NAALADL2: variants seen among roughly 807,000 people sequenced by gnomAD.
The protein encoded by NAALADL2 is N-acetylated alpha-linked acidic dipeptidase like 2.
In NAALADL2, 76 loss-of-function variants were observed where a neutral mutation model predicts 87.2. That is an observed-to-expected ratio of 0.87 (90% confidence interval 0.72 to 1.05). The LOEUF (loss-of-function observed/expected upper bound fraction) is 1.05, where lower values mean the gene tolerates loss of function less well. NAALADL2 is among the 50% of genes least tolerant of loss of function. The pLI is 0.00. For synonymous variants in NAALADL2, 354 were observed against 331.0 expected, an observed-to-expected ratio of 1.07 and a Z score of -0.75; for missense variants, 1,089 against 945.8, an observed-to-expected ratio of 1.15 and a Z score of -1.99.
chr3:174,768,979 CT>C (rs1714198199), intron 3 of NAALADL2, among the ~76,000 whole-genome samples: 1 of 151,218 alleles, frequency 6.6e-6, no homozygotes, highest in Admixed American at 6.6e-5. Context: ...GGTTGCTTTT[CT>C]TTTTTTCTTT....
At chr3:175,759,522 T>C (rs957022872) in intron 13 of NAALADL2, among the ~76,000 whole-genome samples, 7 of 151,684 alleles carry the variant, frequency 4.6e-5, no homozygotes, top group Non-Finnish European at 1.0e-4. Flanking sequence ...CATGCCTGGC[T>C]CATTTTTGTA....
intron 5 of NAALADL2, among the ~76,000 whole-genome samples, chr3:175,373,960 A>C (rs572286036): frequency 1.3e-5 from 2 of 152,254 alleles, no homozygotes; most frequent in African/African-American, 4.8e-5. Context: ...TTTTTATGGA[A>C]GAATCTGTCT....
Position 175,217,580 on chromosome 3 carries a change from T to C in NAALADL2, c.546-16351T>C, listed in dbSNP as rs1346517350. ...AAGGTGGCAATTACCAGAAGTTGCT[T>C]GGTTGGTACTTATTTCTCAAGTTAG... On this transcript the variant is annotated intron_variant, in intron 2 of 13. Coordinates refer to ENST00000454872, the MANE Select transcript of NAALADL2 (RefSeq NM_207015.3). Among the ~76,000 whole-genome samples, 27 of 152,180 alleles carry C rather than the reference T, an allele frequency of 1.8e-4. 1 individual carries two copies. The highest frequency in any genetic ancestry group is 1.8e-3 in the Admixed American group (27 of 15,274).
At chr3:175,726,098 A>G (rs1001561941) in intron 11 of NAALADL2, among the ~76,000 whole-genome samples, 1 of 152,136 alleles carries the variant, frequency 6.6e-6, no homozygotes. Context: ...CAAATATATT[A>G]CAAAGTCAAA....
intron 2 of NAALADL2, among the ~76,000 whole-genome samples, chr3:174,651,270 A>G (rs986125270): frequency 2.0e-5 from 3 of 152,186 alleles, no homozygotes; most frequent in South Asian, 2.1e-4. Flanking sequence ...CTTAATGCCT[A>G]TTTTAGCTTC....
At chr3:174,692,489 T>C (rs1057217058) in intron 2 of NAALADL2, among the ~76,000 whole-genome samples, 15 of 152,090 alleles carry the variant, frequency 9.9e-5, no homozygotes, top group Admixed American at 7.2e-4. Context: ...ACTTTGGCTA[T>C]TTTTTTGTAA....
chr3:174,457,289 G>A (rs1257038398), intron 1 of NAALADL2, among the ~76,000 whole-genome samples: 2 of 152,188 alleles, frequency 1.3e-5, no homozygotes, highest in Non-Finnish European at 2.9e-5. Context: ...GTAGAAAACA[G>A]TGTGGTGATT....
chr3:175,713,033 T>A (rs1283111369), intron 11 of NAALADL2, among the ~76,000 whole-genome samples: 1 of 152,118 alleles, frequency 6.6e-6, no homozygotes, highest in Non-Finnish European at 1.5e-5. Context: ...TAATAGTAGC[T>A]GTGATTTAAT....
intron 2 of NAALADL2, among the ~76,000 whole-genome samples, chr3:174,717,890 C>T (rs1731345129): frequency 1.3e-5 from 2 of 152,236 alleles, no homozygotes; most frequent in South Asian, 4.1e-4. Context: ...CTTTGGGAGG[C>T]TGAGGCGGGC....
At chr3:174,987,523 T>A (rs372051091) in intron 1 of NAALADL2, among the ~76,000 whole-genome samples, 2 of 109,428 alleles carry the variant, frequency 1.8e-5, no homozygotes, top group Non-Finnish European at 3.2e-5. Context: ...GAGCCGAGAT[T>A]GCGCCACTGC....
intron 1 of NAALADL2, among the ~76,000 whole-genome samples, chr3:175,000,053 C>T (rs917058991): frequency 5.3e-5 from 8 of 152,110 alleles, no homozygotes; most frequent in African/African-American, 1.9e-4. Flanking sequence ...ATTAATTCTC[C>T]AGTTCACTGA....
Position 175,806,047 on chromosome 3 carries a change from C to T in NAALADL2, c.*2844C>T, listed in dbSNP as rs889711493. On this transcript the variant is annotated 3_prime_UTR_variant, in exon 14 of 14. Coordinates refer to ENST00000454872, the MANE Select transcript of NAALADL2 (RefSeq NM_207015.3). Reference sequence around the variant, plus strand: ...TGGAATTTAAGCTTCTCTGCTTTCTCATGCAGTATATCTTGCTTCTCCCTG... The same window carrying T: ...TGGAATTTAAGCTTCTCTGCTTTCTTATGCAGTATATCTTGCTTCTCCCTG... 6.6e-6 allele frequency: 1 copy of T among 151,918 alleles called. No individual in the cohort carries two copies. The highest frequency in any genetic ancestry group is 1.5e-5 in the Non-Finnish European group (1 of 67,886). 9.4% of individuals were successfully genotyped at this position (151,918 alleles called of 1,614,324 possible). A position where few individuals can be genotyped will look rare whatever the true frequency, so the allele number is the denominator to read the frequency against.
At chr3:175,456,301 C>T (rs1722307850) in intron 6 of NAALADL2, among the ~76,000 whole-genome samples, 1 of 152,026 alleles carries the variant, frequency 6.6e-6, no homozygotes, top group African/African-American at 2.4e-5. Context: ...TTAGCTCTGA[C>T]ACCCCTCACC....
At chr3:175,157,317 G>A (rs1368291668) in intron 2 of NAALADL2, among the ~76,000 whole-genome samples, 1 of 151,986 alleles carries the variant, frequency 6.6e-6, no homozygotes, top group African/African-American at 2.4e-5. Context: ...AATTAAATAT[G>A]AGTTCAAATC....
intron 3 of NAALADL2, among the ~76,000 whole-genome samples, chr3:174,807,545 T>C (rs1191432652): frequency 6.6e-6 from 1 of 152,146 alleles, no homozygotes; most frequent in Non-Finnish European, 1.5e-5. Context: ...ATTTGACATG[T>C]TGCCATGCTA....
At chr3:174,912,453 C>T (rs1453706236) in intron 1 of NAALADL2, among the ~76,000 whole-genome samples, 5 of 152,096 alleles carry the variant, frequency 3.3e-5, no homozygotes. Context: ...AGTACATGGA[C>T]ACCCTAAGGC....
chr3:175,190,773 G>T (rs1014313727), intron 2 of NAALADL2, among the ~76,000 whole-genome samples: 3 of 151,948 alleles, frequency 2.0e-5, no homozygotes, highest in African/African-American at 7.3e-5. Flanking sequence ...TCAGGAGATC[G>T]AGACCATCCT....
At chr3:175,697,322 G>A (rs1466537366) in intron 11 of NAALADL2, among the ~76,000 whole-genome samples, 1 of 151,682 alleles carries the variant, frequency 6.6e-6, no homozygotes, top group East Asian at 1.9e-4. Context: ...CACACAATGT[G>A]TCTTTTATGT....
At chr3:175,662,050 C>A (rs1006213743) in intron 11 of NAALADL2, among the ~76,000 whole-genome samples, 1 of 151,570 alleles carries the variant, frequency 6.6e-6, no homozygotes, top group Non-Finnish European at 1.5e-5. Flanking sequence ...GGTATTTTTT[C>A]ATTGAAGCTG....
Sources: gnomAD v4.1 joint callset for allele counts (sites outside exome capture counted in the v4.1 genomes callset) on GRCh38, gnomAD v4.1.1 for gene constraint, MANE v1.5 for transcripts, NCBI Gene and HGNC (gene_info 2026-07-23, HGNC 2026-07-21) for gene names.